Variants in URB1 observed in about 807,000 individuals in gnomAD.
The protein encoded by URB1 is URB1 ribosome biogenesis factor.
A neutral mutation model predicts 242.3 loss-of-function variants in URB1; 197 were observed. That is an observed-to-expected ratio of 0.81 (90% CI 0.72 to 0.91). The LOEUF is 0.91. URB1 is among the 40% of genes least tolerant of loss of function. URB1 has a pLI of 0.00. For synonymous variants in URB1, 1,153 were observed against 1,201.8 expected (o/e 0.96, Z 0.84); for missense variants, 2,721 against 2,860.5 (o/e 0.95, Z 1.11).
chr21:32,347,892 CTGT>C, intron 21 of URB1, 81 bp from the exon 22 acceptor site: 1 of 1,452,104 alleles, frequency 6.9e-7, no homozygotes, highest in Non-Finnish European at 9.1e-7. Flanking sequence ...CAAGTATTCA[CTGT>C]TGTTAGCGAG....
chr21:32,315,749 T>TGAG (rs1435725784), intron 38 of URB1, among the ~76,000 whole-genome samples: 1 of 152,144 alleles, frequency 6.6e-6, no homozygotes, highest in Non-Finnish European at 1.5e-5. Flanking sequence ...GTGGCATGGG[T>TGAG]GAGGAGGAGG....
At chr21:32,354,190 A>G (rs750964529) in intron 17 of URB1, 87 bp from the exon 18 acceptor site, 10 of 1,478,590 alleles carry the variant, frequency 6.8e-6, no homozygotes, top group Non-Finnish European at 9.1e-6. Context: ...GAAGCAGAAT[A>G]CGTGCAAAAA....
chr21:32,382,614 T>G (rs146138578), intron 4 of URB1, among the ~76,000 whole-genome samples: 1 of 152,152 alleles, frequency 6.6e-6, no homozygotes, highest in Non-Finnish European at 1.5e-5. Context: ...GCAGATGGGA[T>G]GGACTGATAC....
intron 11 of URB1, among the ~76,000 whole-genome samples, chr21:32,362,315 C>T (rs1242099189): frequency 1.3e-5 from 2 of 152,002 alleles, no homozygotes; most frequent in Non-Finnish European, 2.9e-5. Flanking sequence ...AAGTGATTCT[C>T]GTGCGTCAGC....
In URB1 at chr21:32,340,897, C is replaced by T. The variant is rs186512080; in HGVS notation, c.4316+569G>A. Among the ~76,000 whole-genome samples the T allele has an allele frequency of 6.6e-5, 10 of 151,862 alleles. No homozygotes were observed. In the East Asian group the frequency reaches 1.4e-3, roughly 21 times the overall value. On this transcript the variant is annotated intron_variant, in intron 25 of 38. Coordinates refer to ENST00000382751, the MANE Select transcript of URB1 (RefSeq NM_014825.3). Reference sequence around the variant, plus strand: ...AGTAATCTGGAATATAGTCAAAAGACCGAATATTCTACAGCAGTAAAAATG... The same window carrying T: ...AGTAATCTGGAATATAGTCAAAAGATCGAATATTCTACAGCAGTAAAAATG...
chr21:32,349,068 C>T (rs929336606), intron 21 of URB1, among the ~76,000 whole-genome samples: 5 of 152,238 alleles, frequency 3.3e-5, no homozygotes, highest in African/African-American at 4.8e-5. Context: ...CCTCACACAG[C>T]GTGAGAGAAA....
In URB1 at chr21:32,355,551, C is replaced by T; in HGVS notation, c.2004G>A (p.Thr668=). 3 of 1,551,618 alleles carry T rather than the reference C, an allele frequency of 1.9e-6. No homozygotes were observed. Among genetic ancestry groups the T allele is most frequent in the Non-Finnish European group, 1.7e-6 (2 of 1,146,892 alleles). Residue 668 remains threonine, a synonymous_variant, in exon 16 of 39, where the codon ACG becomes ACA. Transcript: ENST00000382751. ...KLLIMKILRD[T]GVFEHTWKEL... is the part of the protein sequence containing the mutation. The stretch of plus-strand genomic sequence containing the variant: ...CCTTCCAGGTGTGCTCAAACACCCC[C>T]GTGTCCCGCAGAATCTGCCAGGAAG...
intron 17 of URB1, 46 bp downstream of exon 17, chr21:32,354,813 C>A (rs1403542057): frequency 1.3e-6 from 2 of 1,532,028 alleles, no homozygotes; most frequent in Admixed American, 4.1e-5. Context: ...GTCACTGTGG[C>A]TTGGTCTTCA....
chr21:32,377,295 C>T (rs557041337), intron 5 of URB1: 16 of 512,184 alleles, frequency 3.1e-5, no homozygotes, highest in Admixed American at 2.4e-4. Flanking sequence ...TCCAGGGGGA[C>T]GGGCCCATCA....
intron 13 of URB1, 114 bp from the exon 14 acceptor site, chr21:32,360,022 T>C (rs2033266134): frequency 2.2e-6 from 2 of 928,558 alleles, no homozygotes; most frequent in African/African-American, 1.7e-5. Context: ...AAAGGGTGGA[T>C]GCAGGGTTCT....
At position 32,381,794 on chromosome 21, in the gene URB1, C is replaced by T. The variant is rs60208073; in HGVS notation, c.567+1628G>A. ...ATTCACGTCTGGGATTTGCTATAAT[C>T]GACTGCCCCAGAGGAAACTGAAAAG... On this transcript the variant is annotated intron_variant, in intron 4 of 38. Coordinates refer to ENST00000382751, the MANE Select transcript of URB1 (RefSeq NM_014825.3). Among the ~76,000 whole-genome samples, 15 of 152,256 alleles carry T rather than the reference C, an allele frequency of 9.9e-5. No individual in the cohort carries two copies. In the East Asian group the frequency reaches 2.3e-3, roughly 24 times the overall value.
Position 32,311,961 on chromosome 21 carries a change from C to A in URB1, c.*2957G>T, listed in dbSNP as rs1376195731. On this transcript the variant is annotated 3_prime_UTR_variant, in exon 39 of 39. Transcript: ENST00000382751. ...CGTCAGGAGCAAGCCCAGCGAGCCTCCCCCTGGAGACAGGACCTCTCAATT... is the reference window on the plus strand; with the variant it reads ...CGTCAGGAGCAAGCCCAGCGAGCCTACCCCTGGAGACAGGACCTCTCAATT... 1.9e-6 allele frequency: 3 copies of A among 1,613,490 alleles called. No individual in the cohort carries two copies. The highest frequency in any genetic ancestry group is 2.2e-5 in the East Asian group (1 of 44,880).
At chr21:32,345,049 A>G (rs1373180694) in intron 23 of URB1, among the ~76,000 whole-genome samples, 2 of 152,184 alleles carry the variant, frequency 1.3e-5, no homozygotes, top group Non-Finnish European at 2.9e-5. Context: ...TATGGGACAG[A>G]TAATTCTACC....
chr21:32,392,867 G>C lies in URB1; in HGVS notation c.44C>G (p.Ala15Gly). 6.5e-7 allele frequency: 1 copy of C among 1,532,866 alleles called. No individual in the cohort carries two copies. Among genetic ancestry groups the C allele is most frequent in the Non-Finnish European group, 8.7e-7 (1 of 1,145,054 alleles). 95.0% of individuals were successfully genotyped at this position (1,532,866 alleles called of 1,614,324 possible). Residue 15 changes from alanine to glycine, a missense_variant, in exon 1 of 39, where the codon GCG becomes GGG. Physicochemically the swap from Ala to Gly is moderately conservative, Grantham distance 60 (BLOSUM62 0). Transcript: ENST00000382751. The stretch of plus-strand genomic sequence containing the variant: ...CTTGGCTGCACCCGCGGAGGAAGCC[G>C]CGCCGTCCTGGCCGCCCGAGGCCTT... ...KRKASGGQDG[A>G]ASSAGAAKRA...
chr21:32,326,804 T>C (rs1390091740), intron 30 of URB1, among the ~76,000 whole-genome samples: 1 of 152,188 alleles, frequency 6.6e-6, no homozygotes, highest in African/African-American at 2.4e-5. Flanking sequence ...CATGAGTCAA[T>C]TAAACCTCTT....
At chr21:32,354,209 C>T in intron 17 of URB1, 106 bp from the exon 18 acceptor site, 1 of 1,305,812 alleles carries the variant, frequency 7.7e-7, no homozygotes, top group East Asian at 2.6e-5. Flanking sequence ...AAGAAAAAAG[C>T]CAAATTCCTC....
chr21:32,311,798 G>A lies in URB1; in HGVS notation c.*3120C>T. 6.2e-7 allele frequency: 1 copy of A among 1,614,116 alleles called. No homozygotes were observed. The highest frequency in any genetic ancestry group is 2.2e-5 in the East Asian group (1 of 44,868). ...AACCCCTGGCAACCTCACAGGCTCAGGCGAGCTCAGTGGAGCCAGGGAGCA... is the reference window on the plus strand; with the variant it reads ...AACCCCTGGCAACCTCACAGGCTCAAGCGAGCTCAGTGGAGCCAGGGAGCA... On this transcript the variant is annotated 3_prime_UTR_variant, in exon 39 of 39. Transcript: ENST00000382751.
intron 30 of URB1, among the ~76,000 whole-genome samples, chr21:32,329,834 T>C (rs2032872875): frequency 6.6e-6 from 1 of 152,214 alleles, no homozygotes; most frequent in African/African-American, 2.4e-5. Flanking sequence ...TCTGCTACAC[T>C]CTGCATAGCT....
In URB1 at chr21:32,317,873, A is replaced by G; in HGVS notation, c.5837T>C (p.Leu1946Pro). ...PVQLTNFFGT[L>P]DSVLRYRATV... ...GGCCCGGTACCTCAGCACGGAGTCA[A>G]GTGTCCCGAAGAAGTTGGTCAGCTG... The change falls in exon 37 of 39, where the codon CTT becomes CCT. Residue 1946 changes from leucine (L) to proline (P), a missense_variant. Physicochemically the swap from Leu to Pro is moderately conservative, Grantham distance 98 (BLOSUM62 -3). Transcript: ENST00000382751. 1 of 1,551,786 alleles carries G rather than the reference A, an allele frequency of 6.4e-7. No homozygotes were observed. The highest frequency in any genetic ancestry group is 1.2e-5 in the South Asian group (1 of 84,058).
Sources: allele counts gnomAD v4.1 joint callset (sites outside exome capture counted in the v4.1 genomes callset), GRCh38; gene constraint gnomAD v4.1.1; transcripts MANE v1.5; gene names NCBI Gene and HGNC (gene_info 2026-07-23, HGNC 2026-07-21).